GPCPD1: variants seen among roughly 807,000 people sequenced by gnomAD.
The protein encoded by GPCPD1 is glycerophosphocholine phosphodiesterase GPCPD1.
A neutral mutation model predicts 89.2 loss-of-function variants in GPCPD1; 29 were observed. That is an observed-to-expected ratio of 0.33 (90% CI 0.24 to 0.44). The LOEUF (loss-of-function observed/expected upper bound fraction) is 0.44, where lower values mean the gene tolerates loss of function less well. GPCPD1 is among the 20% of genes least tolerant of loss of function. The pLI, the probability that GPCPD1 is intolerant of heterozygous loss-of-function variation, is 1.00. For missense variants in GPCPD1, 594 were observed against 808.9 expected, an observed-to-expected ratio of 0.73 and a Z score of 3.22; for synonymous variants, 258 against 266.3, an observed-to-expected ratio of 0.97 and a Z score of 0.30.
chr20:5,604,519 A>G (rs888458468), intron 1 of GPCPD1, 79 bp from the exon 2 acceptor site: 21 of 594,372 alleles, frequency 3.5e-5, no homozygotes, highest in Admixed American at 7.0e-5. Context: ...AACTTCAACC[A>G]AGAGCTATTT....
chr20:5,556,111 T>C (rs990148322), intron 19 of GPCPD1, among the ~76,000 whole-genome samples: 1 of 152,232 alleles, frequency 6.6e-6, no homozygotes, highest in Admixed American at 6.5e-5. Context: ...GGTAGATTGT[T>C]AGCATTTCCT....
Position 5,578,383 on chromosome 20 carries a change from G to A in GPCPD1, c.702C>T (p.Phe234=), listed in dbSNP as rs749344500. 14 of 1,589,234 alleles carry A rather than the reference G, an allele frequency of 8.8e-6. No homozygotes were observed. The East Asian group carries it at 1.1e-4, about 13-fold the overall frequency. ...CCTCACTGCAGTAACTACTCACTTC[G>A]AAAAAATCAAAGATTAGTTCCAGGT... is the stretch of plus-strand genomic sequence containing the variant. The part of the protein sequence containing the change: ...PDNLELIFDF[F]EEDLSEHVVQ... The change falls in exon 8 of 20, where the codon TTC becomes TTT. Residue 234 remains phenylalanine (F), a synonymous_variant. Transcript: ENST00000379019.
intron 19 of GPCPD1, among the ~76,000 whole-genome samples, chr20:5,556,579 T>C (rs1985781866): frequency 6.6e-6 from 1 of 152,208 alleles, no homozygotes; most frequent in African/African-American, 2.4e-5. Context: ...GATCCCAGCC[T>C]TCACTATCGC....
chr20:5,551,587 TAATTAC>T (rs1985413153), intron 19 of GPCPD1, among the ~76,000 whole-genome samples: 1 of 152,064 alleles, frequency 6.6e-6, no homozygotes, highest in African/African-American at 2.4e-5. Context: ...TTTAAGAACA[TAATTAC>T]AAGTTTTATG....
intron 11 of GPCPD1, among the ~76,000 whole-genome samples, chr20:5,573,661 T>C (rs559717083): frequency 6.6e-6 from 1 of 152,268 alleles, no homozygotes; most frequent in South Asian, 2.1e-4. Context: ...GAGGAATGCC[T>C]GAGCCCAGGA....
In GPCPD1 at chr20:5,586,186, G is replaced by A. The variant is rs769811048; in HGVS notation, c.307+8C>T. On this transcript the variant is annotated splice_region_variant and intron_variant, in intron 5 of 19. Transcript: ENST00000379019. Reference sequence around the variant, plus strand: ...TATGCCTCAAACAGATGCAGTTAATGCCCATACCTAAAGGGGTTATTGATC... The same window carrying A: ...TATGCCTCAAACAGATGCAGTTAATACCCATACCTAAAGGGGTTATTGATC... 1 of 1,443,762 alleles carries A rather than the reference G, an allele frequency of 6.9e-7. No individual in the cohort carries two copies. Among genetic ancestry groups the A allele is most frequent in the South Asian group, 1.1e-5 (1 of 87,418 alleles). The allele number at this position is 1,443,762 out of a possible 1,614,324, so 89.4% of individuals were successfully genotyped here. A position where few individuals can be genotyped will look rare whatever the true frequency, so the allele number is the denominator to read the frequency against.
At chr20:5,574,203 T>C (rs1047484918) in intron 10 of GPCPD1, 9 of 527,010 alleles carry the variant, frequency 1.7e-5, no homozygotes, top group Non-Finnish European at 2.7e-5. Context: ...CAACACAACA[T>C]GCACTTGCCT....
Position 5,547,697 on chromosome 20 carries a change from C to T in GPCPD1, c.1983G>A (p.Val661=). 2 of 1,608,572 alleles carry T rather than the reference C, an allele frequency of 1.2e-6. No individual in the cohort carries two copies. The highest frequency in any genetic ancestry group is 1.7e-6 in the Non-Finnish European group (2 of 1,176,002). Reference sequence around the variant, plus strand: ...CCACGTTATCAATGCCGTTGGCATCCACATGGATATCAGACTCCCCACACA... The same window carrying T: ...CCACGTTATCAATGCCGTTGGCATCTACATGGATATCAGACTCCCCACACA... ...SSLCGESDIH[V]DANGIDNVEN... Residue 661 remains valine (V), a synonymous_variant, in exon 20 of 20, where the codon GTG becomes GTA. Transcript: ENST00000379019.
intron 4 of GPCPD1, among the ~76,000 whole-genome samples, chr20:5,592,627 G>GC (rs1380900665): frequency 6.6e-6 from 1 of 152,148 alleles, no homozygotes; most frequent in Admixed American, 6.6e-5. Context: ...CTAGACCCCT[G>GC]CCTAAACCCT....
chr20:5,598,111 G>A (rs955754104), intron 3 of GPCPD1, among the ~76,000 whole-genome samples: 5 of 151,926 alleles, frequency 3.3e-5, no homozygotes, highest in Non-Finnish European at 7.4e-5. Context: ...AGCAAGGTGG[G>A]AGGATCTCAA....
intron 2 of GPCPD1, among the ~76,000 whole-genome samples, chr20:5,603,453 G>A (rs777385966): frequency 1.6e-4 from 24 of 152,134 alleles, no homozygotes; most frequent in Non-Finnish European, 3.2e-4. Flanking sequence ...GAGTATGAGA[G>A]TGGGCAAAGA....
At chr20:5,563,812 C>T (rs1470904635) in intron 15 of GPCPD1, among the ~76,000 whole-genome samples, 2 of 151,926 alleles carry the variant, frequency 1.3e-5, no homozygotes, top group Non-Finnish European at 2.9e-5. Context: ...TTTTATGAAC[C>T]CCTCAAGAAA....
chr20:5,547,416 G>A lies in GPCPD1; in HGVS notation c.*245C>T. 1 of 231,932 alleles carries A rather than the reference G, an allele frequency of 4.3e-6. No individual in the cohort carries two copies. Among genetic ancestry groups the A allele is most frequent in the Non-Finnish European group, 8.2e-6 (1 of 121,896 alleles). The allele number at this position is 231,932 out of a possible 1,614,324, so 14.4% of individuals were successfully genotyped here. Reference sequence around the variant, plus strand: ...TTAACATTATAGATTTATATATTTAGTTTAAAATATTTATATTACTAACCA... The same window carrying A: ...TTAACATTATAGATTTATATATTTAATTTAAAATATTTATATTACTAACCA... On this transcript the variant is annotated 3_prime_UTR_variant, in exon 20 of 20. Transcript: ENST00000379019.
chr20:5,563,602 G>A (rs1986212788), intron 15 of GPCPD1, among the ~76,000 whole-genome samples: 1 of 150,862 alleles, frequency 6.6e-6, no homozygotes, highest in Admixed American at 6.6e-5. Context: ...TCAACCTCCT[G>A]AGCTTAAACT....
chr20:5,547,952 C>T, intron 19 of GPCPD1, 102 bp from the exon 20 acceptor site: 1 of 573,202 alleles, frequency 1.7e-6, no homozygotes. Flanking sequence ...TTACAGAATG[C>T]CTGGAACATC....
chr20:5,581,899 T>C (rs1257885486), intron 6 of GPCPD1, among the ~76,000 whole-genome samples: 1 of 130,338 alleles, frequency 7.7e-6, no homozygotes, highest in East Asian at 2.5e-4. Context: ...AAACTACTAC[T>C]CCAGGCCGGG....
chr20:5,582,150 C>A (rs1209531901), intron 6 of GPCPD1, among the ~76,000 whole-genome samples: 3 of 127,110 alleles, frequency 2.4e-5, no homozygotes, highest in Admixed American at 9.1e-5. Context: ...CGCGCCACTG[C>A]ACTCCAGCCT....
At chr20:5,564,385 C>T (rs1260543666) in intron 15 of GPCPD1, among the ~76,000 whole-genome samples, 1 of 151,238 alleles carries the variant, frequency 6.6e-6, no homozygotes, top group Non-Finnish European at 1.5e-5. Flanking sequence ...AACTCCTATA[C>T]CTGTGCCCTC....
At chr20:5,608,823 G>A (rs1600818837) in intron 1 of GPCPD1, among the ~76,000 whole-genome samples, 1 of 152,128 alleles carries the variant, frequency 6.6e-6, no homozygotes, top group South Asian at 2.1e-4. Context: ...CATCTATTCT[G>A]TACTTTTTGA....
Sources: gnomAD v4.1 joint callset for allele counts (sites outside exome capture counted in the v4.1 genomes callset) on GRCh38, gnomAD v4.1.1 for gene constraint, MANE v1.5 for transcripts, NCBI Gene and HGNC (gene_info 2026-07-23, HGNC 2026-07-21) for gene names.